The following TOM1L1 variants were observed in gnomAD, a reference collection of about 807,000 sequenced individuals.
TOM1L1 encodes TOM1-like protein 1.
A neutral mutation model predicts 63.4 loss-of-function variants in TOM1L1; 64 were observed. The observed-to-expected ratio is 1.01, with a 90% confidence interval of 0.83 to 1.24. The LOEUF (loss-of-function observed/expected upper bound fraction) is 1.24, where lower values mean the gene tolerates loss of function less well. Ranked by LOEUF, TOM1L1 falls within the 50% of genes most tolerant of loss-of-function variation. The pLI, the probability that TOM1L1 is intolerant of heterozygous loss-of-function variation, is 0.00. For synonymous variants in TOM1L1, 166 were observed against 194.4 expected, an observed-to-expected ratio of 0.85 and a Z score of 1.22; for missense variants, 536 against 567.0, an observed-to-expected ratio of 0.95 and a Z score of 0.55.
rs373388066 is a variant in TOM1L1, at chr17:54,905,157, G to A, written c.144-332G>A. ...TAAAAATGGTAACATTCATTGTTTC[G>A]GAAGTTGCATTTCCTATAAGTTGGT... On this transcript the variant is annotated intron_variant, in intron 2 of 15. Coordinates refer to ENST00000575882, the MANE Select transcript of TOM1L1 (RefSeq NM_005486.3). 2.0e-5 allele frequency among the ~76,000 whole-genome samples: 3 copies of A among 152,090 alleles called. No homozygotes were observed. In the East Asian group the frequency reaches 5.8e-4, roughly 29 times the overall value.
intron 3 of TOM1L1, among the ~76,000 whole-genome samples, chr17:54,910,049 A>C (rs1176837737): frequency 6.6e-6 from 1 of 152,178 alleles, no homozygotes; most frequent in African/African-American, 2.4e-5. Context: ...CATGACTGCT[A>C]ATCTCCAGAT....
At position 54,949,569 on chromosome 17, in the gene TOM1L1, A is replaced by T. The variant is rs377527400; in HGVS notation, c.1234A>T (p.Ile412Phe). ...TCTACAGCCAGTTAGTCTACAAACC[A>T]TTGCAGCAGCACCATCAAACCAGAG... ...VFLQPVSLQT[I>F]AAAPSNQSLP... Residue 412 changes from isoleucine (I) to phenylalanine (F), a missense_variant, in exon 13 of 16, where the codon ATT becomes TTT. Coordinates refer to ENST00000575882, the MANE Select transcript of TOM1L1 (RefSeq NM_005486.3). 2.5e-6 allele frequency: 4 copies of T among 1,613,934 alleles called. No individual in the cohort carries two copies. The African/African-American group carries it at 5.3e-5, about 22-fold the overall frequency.
intron 14 of TOM1L1, among the ~76,000 whole-genome samples, chr17:54,955,853 G>C (rs1174058669): frequency 6.6e-6 from 1 of 152,128 alleles, no homozygotes; most frequent in East Asian, 1.9e-4. Flanking sequence ...AAAAGGTCTG[G>C]GCTCTAGGCA....
At chr17:54,955,942 C>A (rs1312967305) in intron 14 of TOM1L1, among the ~76,000 whole-genome samples, 3 of 152,168 alleles carry the variant, frequency 2.0e-5, no homozygotes, top group Admixed American at 1.3e-4. Context: ...GGTCCCAAGG[C>A]CCTTCTCTAG....
chr17:54,942,097 A>T (rs1418585545), intron 11 of TOM1L1, among the ~76,000 whole-genome samples: 1 of 152,022 alleles, frequency 6.6e-6, no homozygotes, highest in Non-Finnish European at 1.5e-5. Flanking sequence ...AGGATAAAAC[A>T]TAGGTCATTT....
Position 54,905,664 on chromosome 17 carries a change from A to C in TOM1L1, c.222+97A>C, listed in dbSNP as rs1362185118. ...AAAAATAAGAAGCAAGTATTCTGAGAAAACTAATAGGTTAGCTAGGAGTTG... is the reference window on the plus strand; with the variant it reads ...AAAAATAAGAAGCAAGTATTCTGAGCAAACTAATAGGTTAGCTAGGAGTTG... On this transcript the variant is annotated intron_variant, in intron 3 of 15. Transcript: ENST00000575882. 10 of 745,512 alleles carry C rather than the reference A, an allele frequency of 1.3e-5. No individual in the cohort carries two copies. The East Asian group carries it at 2.4e-4, about 18-fold the overall frequency. 46.2% of individuals were successfully genotyped at this position (745,512 alleles called of 1,614,324 possible).
intron 7 of TOM1L1, among the ~76,000 whole-genome samples, chr17:54,917,976 A>G (rs1481745275): frequency 6.6e-6 from 1 of 152,096 alleles, no homozygotes; most frequent in East Asian, 1.9e-4. Flanking sequence ...TTTCTCAGCT[A>G]TCTGGTCTCA....
At chr17:54,960,496 G>A in intron 14 of TOM1L1, 70 bp from the exon 15 acceptor site, 1 of 1,141,080 alleles carries the variant, frequency 8.8e-7, no homozygotes, top group Admixed American at 1.7e-5. Context: ...TTACAGTGCT[G>A]GCAGTTAAAA....
intron 6 of TOM1L1, 147 bp downstream of exon 6, chr17:54,914,890 T>C: frequency 1.5e-6 from 1 of 687,172 alleles, no homozygotes; most frequent in Non-Finnish European, 2.6e-6. Context: ...TAATACTATG[T>C]GACTTACCAT....
intron 8 of TOM1L1, among the ~76,000 whole-genome samples, chr17:54,931,313 G>T (rs975705846): frequency 1.3e-5 from 2 of 152,044 alleles, no homozygotes; most frequent in African/African-American, 4.8e-5. Context: ...TTTTTAGAGG[G>T]TTGGGCTTTT....
chr17:54,940,326 G>A (rs1210286337), intron 11 of TOM1L1, among the ~76,000 whole-genome samples: 1 of 152,148 alleles, frequency 6.6e-6, no homozygotes, highest in African/African-American at 2.4e-5. Flanking sequence ...CTACTTCTCA[G>A]GTTGGCAAAA....
chr17:54,915,824 C>T lies in TOM1L1; in HGVS notation c.682C>T (p.Pro228Ser). Residue 228 changes from proline (P) to serine (S), a missense_variant, in exon 7 of 16, where the codon CCT becomes TCT. Transcript: ENST00000575882. ...VMSAILMENTPGSENHEDIEL... is the reference protein window; with the variant it reads ...VMSAILMENTSGSENHEDIEL... Reference sequence around the variant, plus strand: ...GTCCGCCATATTGATGGAGAATACTCCTGGGTCTGAAAACCATGAAGACAT... The same window carrying T: ...GTCCGCCATATTGATGGAGAATACTTCTGGGTCTGAAAACCATGAAGACAT... The T allele has an allele frequency of 2.5e-6, 4 of 1,613,712 alleles. No homozygotes were observed. The highest frequency in any genetic ancestry group is 3.4e-6 in the Non-Finnish European group (4 of 1,179,826).
At chr17:54,911,024 A>G (rs921923238) in intron 3 of TOM1L1, among the ~76,000 whole-genome samples, 1 of 152,208 alleles carries the variant, frequency 6.6e-6, no homozygotes, top group Non-Finnish European at 1.5e-5. Context: ...CATGGAAACT[A>G]AAGATTTAAT....
chr17:54,959,050 T>C (rs957369854), intron 14 of TOM1L1, among the ~76,000 whole-genome samples: 3 of 152,168 alleles, frequency 2.0e-5, no homozygotes, highest in Non-Finnish European at 4.4e-5. Context: ...AGACATTTAA[T>C]GTATTAAGAA....
intron 11 of TOM1L1, among the ~76,000 whole-genome samples, chr17:54,940,753 T>C (rs2049021533): frequency 6.6e-6 from 1 of 152,136 alleles, no homozygotes; most frequent in African/African-American, 2.4e-5. Flanking sequence ...TATATATTAA[T>C]ATTTGCCTCT....
intron 11 of TOM1L1, among the ~76,000 whole-genome samples, chr17:54,939,287 T>A (rs1462842644): frequency 6.6e-6 from 1 of 152,186 alleles, no homozygotes; most frequent in East Asian, 1.9e-4. Context: ...GGCATGAGAA[T>A]CACTTGAACC....
Position 54,950,070 on chromosome 17 carries a change from A to C in TOM1L1, c.1314A>C (p.Pro438=). The C allele has an allele frequency of 1.9e-6, 3 of 1,614,022 alleles. No homozygotes were observed. The highest frequency in any genetic ancestry group is 2.5e-6 in the Non-Finnish European group (3 of 1,179,936). ...CGATGACAAAAAGTGATCTCCAGCCACCTAATTACTACGAGGTAATGGAGT... is the reference window on the plus strand; with the variant it reads ...CGATGACAAAAAGTGATCTCCAGCCCCCTAATTACTACGAGGTAATGGAGT... ...HPAMTKSDLQ[P]PNYYEVMEFD... The change falls in exon 14 of 16, where the codon CCA becomes CCC. Residue 438 remains proline (P), a synonymous_variant. Transcript: ENST00000575882.
At chr17:54,929,050 T>G (rs1415931245) in intron 7 of TOM1L1, among the ~76,000 whole-genome samples, 1 of 152,214 alleles carries the variant, frequency 6.6e-6, no homozygotes, top group Non-Finnish European at 1.5e-5. Flanking sequence ...TCAGCCGATG[T>G]GATTGTGCAG....
chr17:54,931,042 A>T (rs540856291), intron 8 of TOM1L1, among the ~76,000 whole-genome samples: 35 of 152,082 alleles, frequency 2.3e-4, no homozygotes, highest in Non-Finnish European at 4.1e-4. Flanking sequence ...CCCACCTCTA[A>T]AAGAAATAAT....
Sources: allele counts gnomAD v4.1 joint callset (sites outside exome capture counted in the v4.1 genomes callset), GRCh38; gene constraint gnomAD v4.1.1; transcripts MANE v1.5; gene names NCBI Gene and HGNC (gene_info 2026-07-23, HGNC 2026-07-21).